PCDHA6: variants seen among roughly 807,000 people sequenced by gnomAD.
PCDHA6 encodes protocadherin alpha 6.
A neutral mutation model predicts 60.3 loss-of-function variants in PCDHA6; 55 were observed. The ratio of observed to expected loss-of-function variants is 0.91; its 90% CI spans 0.73 to 1.14. PCDHA6 has a LOEUF of 1.14. PCDHA6 is among the 50% of genes most tolerant of loss of function. The probability of loss-of-function intolerance (pLI) is 0.00; values close to 1 mark genes in which losing one functional copy is unlikely to be tolerated. For missense variants in PCDHA6, 1,327 were observed against 1,256.5 expected (o/e 1.06, Z -0.85); for synonymous variants, 652 against 557.9 (o/e 1.17, Z -2.38).
chr5:140,835,475 A>G (rs141258579), intron 1 of PCDHA6: 5 of 1,613,920 alleles, frequency 3.1e-6, no homozygotes, highest in Middle Eastern at 1.6e-4. Context: ...AGGACGCCCA[A>G]CCAGGTACCG....
intron 1 of PCDHA6, among the ~76,000 whole-genome samples, chr5:140,933,130 A>G (rs2088870055): frequency 6.6e-6 from 1 of 151,994 alleles, no homozygotes; most frequent in Non-Finnish European, 1.5e-5. Context: ...CTAAATAATA[A>G]AGGTAGATAG....
At chr5:140,855,753 G>A (rs1461376517) in intron 1 of PCDHA6, 1 of 333,040 alleles carries the variant, frequency 3.0e-6, no homozygotes, top group African/African-American at 2.1e-5. Context: ...GTGAGGCTTT[G>A]AAAGTCCATA....
In PCDHA6 at chr5:140,852,957, C is replaced by T. The variant is rs193082588; in HGVS notation, c.2394+22472C>T. The T allele has an allele frequency of 2.4e-3, 1,034 of 439,410 alleles. 42 individuals carry two copies. The highest frequency in any genetic ancestry group is 0.021 in the African/African-American group (968 of 46,052). 27.2% of individuals were successfully genotyped at this position (439,410 alleles called of 1,614,324 possible). On this transcript the variant is annotated intron_variant, in intron 1 of 3. Transcript: ENST00000529310. ...GCAGTGGTGCCATCTTGGCTCACTC[C>T]AAGCTCCCCCTCCCGTGTTCACGCC... is the stretch of plus-strand genomic sequence containing the variant.
chr5:140,950,512 G>T (rs1239372084), intron 1 of PCDHA6, among the ~76,000 whole-genome samples: 11 of 152,016 alleles, frequency 7.2e-5, no homozygotes, highest in Non-Finnish European at 7.4e-5. Context: ...TATTCCCTGT[G>T]TGCGATATGA....
chr5:140,883,109 T>C (rs782237873), intron 1 of PCDHA6: 95 of 1,613,962 alleles, frequency 5.9e-5, no homozygotes, highest in Non-Finnish European at 8.0e-5. Context: ...AGTTTACTCA[T>C]TTAGAAGGCC....
At position 140,857,221 on chromosome 5, in the gene PCDHA6, C is replaced by G. The variant is rs146953582; in HGVS notation, c.2394+26736C>G. On this transcript the variant is annotated intron_variant, in intron 1 of 3. Transcript: ENST00000529310. ...AGGTCACCTGCTCTCTGACGCCTCA[C>G]GTTCCGTTCAAGCTGGTGTCCACCT... is the stretch of plus-strand genomic sequence containing the variant. 4.4e-4 allele frequency: 711 copies of G among 1,598,474 alleles called. 36 individuals carry two copies. In the African/African-American group the frequency reaches 9.1e-3, roughly 20 times the overall value.
At chr5:140,968,086 A>G (rs2096217656) in intron 1 of PCDHA6, 1 of 1,614,058 alleles carries the variant, frequency 6.2e-7, no homozygotes, top group African/African-American at 1.3e-5. Context: ...TCACGGTGAC[A>G]GCCACAGATG....
chr5:140,854,880 T>C (rs1244023349), intron 1 of PCDHA6, among the ~76,000 whole-genome samples: 4 of 150,006 alleles, frequency 2.7e-5, no homozygotes, highest in African/African-American at 9.8e-5. Flanking sequence ...CTGTGTCTTT[T>C]GGGCATTTGA....
rs781920774 is a variant in PCDHA6 at position 140,882,850 on chromosome 5, T to A, written c.2394+52365T>A. 4 of 1,614,090 alleles carry A rather than the reference T, an allele frequency of 2.5e-6. No homozygotes were observed. In the African/African-American group the frequency reaches 5.3e-5, roughly 22 times the overall value. ...TTGAGCAAATGTCTTCATTATCACT[T>A]GTACTGAGGAAAACACTGGACAGAG... On this transcript the variant is annotated intron_variant, in intron 1 of 3. Coordinates refer to ENST00000529310, the MANE Select transcript of PCDHA6 (RefSeq NM_018909.4).
intron 1 of PCDHA6, chr5:140,856,437 C>T (rs2043996083): frequency 1.9e-6 from 3 of 1,598,304 alleles, no homozygotes; most frequent in Non-Finnish European, 1.7e-6. Flanking sequence ...GACAACCCGC[C>T]CAGGTTCTCC....
intron 1 of PCDHA6, among the ~76,000 whole-genome samples, chr5:140,881,802 G>A (rs1239090795): frequency 1.3e-5 from 2 of 152,182 alleles, no homozygotes; most frequent in Admixed American, 6.5e-5. Context: ...CCCAAAACGA[G>A]TGTCGAATAT....
chr5:140,896,615 G>A (rs1293256212), intron 1 of PCDHA6, among the ~76,000 whole-genome samples: 4 of 151,782 alleles, frequency 2.6e-5, no homozygotes, highest in African/African-American at 9.7e-5. Context: ...GGTCTTAAGT[G>A]ATCCACCTGC....
intron 1 of PCDHA6, chr5:140,863,439 T>C (rs781855193): frequency 3.3e-6 from 2 of 606,238 alleles, no homozygotes; most frequent in East Asian, 4.7e-5. Context: ...GATCTGGTCT[T>C]ACTCGCAGCA....
intron 1 of PCDHA6, chr5:140,855,886 A>C: frequency 1.0e-6 from 1 of 980,916 alleles, no homozygotes; most frequent in Non-Finnish European, 1.5e-6. Context: ...GCTTTTTAGA[A>C]CAAAGGCATC....
In PCDHA6 at chr5:140,829,505, T is replaced by C. The variant is rs1470600823; in HGVS notation, c.1414T>C (p.Cys472Arg). 1.4e-5 allele frequency: 22 copies of C among 1,613,588 alleles called. No homozygotes were observed. The highest frequency in any genetic ancestry group is 1.9e-5 in the Non-Finnish European group (22 of 1,179,954). ...CGTGAAGGAGAACAACCCGCCGGGC[T>C]GCCACATCTTCACGGTGTCTGCGCG... The part of the protein sequence containing the change: ...VFVKENNPPG[C>R]HIFTVSARDA... Residue 472 changes from cysteine (C) to arginine (R), a missense_variant, in exon 1 of 4, where the codon TGC becomes CGC. Physicochemically the swap from Cys to Arg is radical, Grantham distance 180. Transcript: ENST00000529310.
intron 1 of PCDHA6, chr5:140,848,281 T>C: frequency 1.7e-6 from 1 of 600,408 alleles, no homozygotes; most frequent in Non-Finnish European, 2.9e-6. Context: ...AATATGTACT[T>C]ACACTTTGGG....
intron 1 of PCDHA6, among the ~76,000 whole-genome samples, chr5:140,935,913 GACAGATTC>G (rs1178474379): frequency 8.0e-6 from 1 of 125,106 alleles, no homozygotes; most frequent in Admixed American, 8.3e-5. Context: ...TTTTTTTTGA[GACAGATTC>G]TCATTCTGTT....
chr5:140,943,094 TA>T lies in PCDHA6; in HGVS notation c.2395-35849del, dbSNP rs546939375. Among the ~76,000 whole-genome samples, 19 of 151,404 alleles carry T rather than the reference TA, an allele frequency of 1.3e-4. No individual in the cohort carries two copies. In the East Asian group the frequency reaches 3.7e-3, roughly 29 times the overall value. On this transcript the variant is annotated intron_variant, in intron 1 of 3. Coordinates refer to ENST00000529310, the MANE Select transcript of PCDHA6 (RefSeq NM_018909.4). ...CAACATGGTGAAATCCTGCCTCTAC[TA>T]AAAAATACAAAAATTAGCCAGGTGT... is the stretch of plus-strand genomic sequence containing the variant.
chr5:140,893,656 TA>T (rs1241356048), intron 1 of PCDHA6, among the ~76,000 whole-genome samples: 28 of 152,340 alleles, frequency 1.8e-4, no homozygotes, highest in Admixed American at 1.6e-3. Flanking sequence ...CTGATAGTTT[TA>T]AAAAATTTCA....
Sources: allele counts gnomAD v4.1 joint callset (sites outside exome capture counted in the v4.1 genomes callset), GRCh38; gene constraint gnomAD v4.1.1; transcripts MANE v1.5; gene names NCBI Gene and HGNC (gene_info 2026-07-23, HGNC 2026-07-21).